The following SLC18A2 variants were observed in gnomAD, a reference collection of about 807,000 sequenced individuals.
The protein encoded by SLC18A2 is synaptic vesicular amine transporter.
SLC18A2 carries 33 observed loss-of-function variants against 59.2 expected under a neutral mutation model. The observed-to-expected ratio is 0.56, with a 90% CI of 0.42 to 0.75. The LOEUF (loss-of-function observed/expected upper bound fraction) is 0.75, where lower values mean the gene tolerates loss of function less well. Ranked by LOEUF, SLC18A2 falls within the 30% of genes least tolerant of loss-of-function variation. The pLI is 0.00. For missense variants in SLC18A2, 569 were observed against 668.6 expected, an observed-to-expected ratio of 0.85 and a Z score of 1.64; for synonymous variants, 228 against 253.5, an observed-to-expected ratio of 0.90 and a Z score of 0.95.
At chr10:117,260,349 G>C (rs1299328297) in intron 10 of SLC18A2, among the ~76,000 whole-genome samples, 1 of 152,182 alleles carries the variant, frequency 6.6e-6, no homozygotes, top group East Asian at 1.9e-4. Context: ...TTCCTTTCTG[G>C]CTGTGAGGCA....
At chr10:117,258,869 C>T (rs949698900) in intron 10 of SLC18A2, among the ~76,000 whole-genome samples, 2 of 151,512 alleles carry the variant, frequency 1.3e-5, no homozygotes, top group Admixed American at 1.3e-4. Flanking sequence ...CGGGTTCAAG[C>T]GATTCTCCTG....
At chr10:117,248,234 G>A (rs1844129567) in intron 3 of SLC18A2, among the ~76,000 whole-genome samples, 1 of 151,988 alleles carries the variant, frequency 6.6e-6, no homozygotes, top group African/African-American at 2.4e-5. Context: ...CAAAGTGCTG[G>A]GATTACAGGC....
intron 12 of SLC18A2, 35 bp downstream of exon 12, chr10:117,267,070 A>G (rs1844357627): frequency 6.5e-7 from 1 of 1,530,474 alleles, no homozygotes; most frequent in Non-Finnish European, 9.0e-7. Context: ...AGTGGGAACA[A>G]TCTGTGAATA....
intron 3 of SLC18A2, among the ~76,000 whole-genome samples, chr10:117,249,675 T>C (rs888926410): frequency 1.3e-5 from 2 of 152,228 alleles, no homozygotes; most frequent in South Asian, 2.1e-4. Flanking sequence ...TTAGTCTCTA[T>C]GGCAAGGATA....
At position 117,244,446 on chromosome 10, in the gene SLC18A2, G is replaced by GTCCCCT. The variant is rs199867939; in HGVS notation, c.464+140_464+145dup. On this transcript the variant is annotated intron_variant, in intron 3 of 15. Transcript: ENST00000644641. ...TGGTGGGTGAGCTGGGGAAAACCCA[G>GTCCCCT]TCCCCTTCCCCTATGTCTCTGTTCC... 1.9e-5 allele frequency: 14 copies of GTCCCCT among 753,424 alleles called. No homozygotes were observed. The East Asian group carries it at 3.5e-4, about 19-fold the overall frequency. 46.7% of individuals were successfully genotyped at this position (753,424 alleles called of 1,614,324 possible).
At chr10:117,257,290 C>T (rs971723938) in intron 9 of SLC18A2, among the ~76,000 whole-genome samples, 2 of 151,978 alleles carry the variant, frequency 1.3e-5, no homozygotes, top group South Asian at 2.1e-4. Flanking sequence ...CGCTGAACCC[C>T]GCCCCCTCCA....
intron 3 of SLC18A2, among the ~76,000 whole-genome samples, chr10:117,246,964 T>C (rs1039069881): frequency 4.6e-5 from 7 of 152,232 alleles, no homozygotes; most frequent in Non-Finnish European, 1.0e-4. Context: ...AGCAAATAAA[T>C]TTTCATATTG....
At chr10:117,247,143 T>C (rs914802598) in intron 3 of SLC18A2, among the ~76,000 whole-genome samples, 3 of 152,198 alleles carry the variant, frequency 2.0e-5, no homozygotes, top group Non-Finnish European at 4.4e-5. Context: ...CTTCAAGGAG[T>C]TAACTTGTGA....
intron 10 of SLC18A2, among the ~76,000 whole-genome samples, chr10:117,265,457 A>T (rs770082589): frequency 3.3e-5 from 5 of 152,148 alleles, no homozygotes; most frequent in African/African-American, 4.8e-5. Flanking sequence ...GATTGAGAAC[A>T]AAGTAACTTT....
At chr10:117,242,826 G>A (rs1490179141) in intron 2 of SLC18A2, among the ~76,000 whole-genome samples, 5 of 152,024 alleles carry the variant, frequency 3.3e-5, no homozygotes, top group Non-Finnish European at 7.4e-5. Flanking sequence ...TCCACCTCCC[G>A]GGTTCAAGTG....
rs1012333075 is a variant in SLC18A2, at chr10:117,278,680, C to T, written c.*1414C>T. On this transcript the variant is annotated 3_prime_UTR_variant, in exon 16 of 16. Coordinates refer to ENST00000644641, the MANE Select transcript of SLC18A2 (RefSeq NM_003054.6). ...AACTTCGACATCAAGGAGCAAAGAA[C>T]TTTAGAACAGACTCCTCAATCTTGT... The T allele has an allele frequency of 6.6e-6, 1 of 152,324 alleles. No individual in the cohort carries two copies. Among genetic ancestry groups the T allele is most frequent in the Non-Finnish European group, 1.5e-5 (1 of 68,030 alleles). The allele number at this position is 152,324 out of a possible 1,614,324, so 9.4% of individuals were successfully genotyped here.
At chr10:117,274,596 T>C (rs1844463655) in intron 15 of SLC18A2, among the ~76,000 whole-genome samples, 1 of 152,192 alleles carries the variant, frequency 6.6e-6, no homozygotes, top group African/African-American at 2.4e-5. Flanking sequence ...CCAACTGGTA[T>C]CTCACTGTGC....
chr10:117,244,554 A>T (rs1202533771), intron 3 of SLC18A2, among the ~76,000 whole-genome samples: 1 of 152,064 alleles, frequency 6.6e-6, no homozygotes, highest in East Asian at 1.9e-4. Flanking sequence ...AATAAAGAGG[A>T]CCTCTTCCAC....
In SLC18A2 at chr10:117,270,326, A is replaced by G; in HGVS notation, c.1307-4A>G. The G allele has an allele frequency of 6.2e-7, 1 of 1,614,186 alleles. No homozygotes were observed. The highest frequency in any genetic ancestry group is 8.5e-7 in the Non-Finnish European group (1 of 1,180,038). On this transcript the variant is annotated splice_region_variant and splice_polypyrimidine_tract_variant and intron_variant, in intron 14 of 15. Transcript: ENST00000644641. ...GCTTTATCTAATTCTCTGTTTCCTG[A>G]AAGGTCCTTCTGCTGGTGGTGCTAT...
At chr10:117,267,584 C>T in intron 12 of SLC18A2, 89 bp from the exon 13 acceptor site, 1 of 993,050 alleles carries the variant, frequency 1.0e-6, no homozygotes, top group Non-Finnish European at 1.5e-6. Flanking sequence ...GCATACCACG[C>T]TCAGAGAAAA....
intron 10 of SLC18A2, among the ~76,000 whole-genome samples, chr10:117,264,176 C>T (rs1245559734): frequency 6.6e-6 from 1 of 152,222 alleles, no homozygotes; most frequent in African/African-American, 2.4e-5. Context: ...GAAGATCTCC[C>T]TTTGGTGAAC....
At position 117,254,484 on chromosome 10, in the gene SLC18A2, C is replaced by T. The variant is rs1391892362; in HGVS notation, c.687C>T (p.Ala229=). The T allele has an allele frequency of 9.3e-6, 15 of 1,607,158 alleles. No homozygotes were observed. In the East Asian group the frequency reaches 3.1e-4, roughly 34 times the overall value. ...TGGGAATCGCCTTGGGAGGCCTGGCCATGGGGGTCTTAGGTGGGTAAGGCC... is the reference window on the plus strand; with the variant it reads ...TGGGAATCGCCTTGGGAGGCCTGGCTATGGGGGTCTTAGGTGGGTAAGGCC... ...NVMGIALGGL[A]MGVLVGPPFG... is the part of the protein sequence containing the mutation. The change falls in exon 6 of 16, where the codon GCC becomes GCT. Residue 229 remains alanine (A), a synonymous_variant. Transcript: ENST00000644641.
At chr10:117,266,196 G>C (rs757261461) in intron 10 of SLC18A2, among the ~76,000 whole-genome samples, 1 of 151,704 alleles carries the variant, frequency 6.6e-6, no homozygotes, top group South Asian at 2.1e-4. Context: ...GAAACAAGCA[G>C]GATAGAGTAT....
At chr10:117,242,605 A>G (rs1844067913) in intron 2 of SLC18A2, among the ~76,000 whole-genome samples, 1 of 152,072 alleles carries the variant, frequency 6.6e-6, no homozygotes. Flanking sequence ...CGTGGAGCTC[A>G]TCCCTGTTCA....
Sources: allele counts gnomAD v4.1 joint callset (sites outside exome capture counted in the v4.1 genomes callset), GRCh38; gene constraint gnomAD v4.1.1; transcripts MANE v1.5; gene names NCBI Gene and HGNC (gene_info 2026-07-23, HGNC 2026-07-21).